The following DNAH7 variants were observed in gnomAD, a reference collection of about 807,000 sequenced individuals.
The protein encoded by DNAH7 is axonemal beta dynein heavy chain 7.
DNAH7 carries 397 observed loss-of-function variants against 444.6 expected under a neutral mutation model. The ratio of observed to expected loss-of-function variants is 0.89; its 90% CI spans 0.82 to 0.97. The LOEUF (loss-of-function observed/expected upper bound fraction) is 0.97. Ranked by LOEUF, DNAH7 falls within the 50% of genes least tolerant of loss-of-function variation. The pLI is 0.00. For synonymous variants in DNAH7, 1,636 were observed against 1,624.4 expected (o/e 1.01, Z -0.17); for missense variants, 4,902 against 4,800.8 (o/e 1.02, Z -0.62).
intron 44 of DNAH7, among the ~76,000 whole-genome samples, chr2:195,856,529 T>C (rs1699719388): frequency 6.6e-6 from 1 of 152,190 alleles, no homozygotes; most frequent in African/African-American, 2.4e-5. Context: ...TTAACTAATA[T>C]CATGGTCTGA....
chr2:196,033,586 G>A (rs1696197007), intron 5 of DNAH7, among the ~76,000 whole-genome samples: 1 of 152,104 alleles, frequency 6.6e-6, no homozygotes, highest in African/African-American at 2.4e-5. Flanking sequence ...ACTTAGCATA[G>A]TGTTCTTCGA....
At chr2:195,799,212 T>C in intron 55 of DNAH7, 84 bp downstream of exon 55, 1 of 1,207,332 alleles carries the variant, frequency 8.3e-7, no homozygotes, top group Non-Finnish European at 1.1e-6. Flanking sequence ...AATTTCTACC[T>C]TTCCCTCATC....
chr2:196,047,843 G>A (rs1393790332), intron 4 of DNAH7, among the ~76,000 whole-genome samples: 1 of 151,490 alleles, frequency 6.6e-6, no homozygotes, highest in African/African-American at 2.4e-5. Flanking sequence ...AAAGAACCAT[G>A]ACAAAAAGTT....
chr2:195,929,621 G>A (rs1688557529), intron 21 of DNAH7, among the ~76,000 whole-genome samples: 1 of 152,222 alleles, frequency 6.6e-6, no homozygotes, highest in African/African-American at 2.4e-5. Flanking sequence ...AAGCAATGGA[G>A]AAAGGACTCC....
rs529672329 is a variant in DNAH7 at position 196,068,472 on chromosome 2, T to C, written c.15+225A>G. The C allele has an allele frequency of 9.6e-5, 56 of 585,024 alleles. No individual in the cohort carries two copies. The African/African-American group carries it at 1.1e-3, about 11-fold the overall frequency. 36.2% of individuals were successfully genotyped at this position (585,024 alleles called of 1,614,324 possible). On this transcript the variant is annotated intron_variant, in intron 1 of 64. Transcript: ENST00000312428. ...CCCTGCTGGCGCGCCGCTAGGCGGC[T>C]AGGTTTGGTTGTTATGACGACCAAG...
At chr2:195,952,642 T>C (rs780458995) in intron 19 of DNAH7, among the ~76,000 whole-genome samples, 11 of 152,188 alleles carry the variant, frequency 7.2e-5, no homozygotes, top group Non-Finnish European at 1.6e-4. Flanking sequence ...TCATTCTTTT[T>C]CTCTCTCATC....
chr2:195,832,404 C>T (rs1698119074), intron 48 of DNAH7, among the ~76,000 whole-genome samples: 1 of 151,030 alleles, frequency 6.6e-6, no homozygotes, highest in East Asian at 1.9e-4. Flanking sequence ...ATTTTAATTA[C>T]TTAATGTTTT....
chr2:195,740,758 TTAC>T lies in DNAH7; in HGVS notation c.11868+5_11868+7del, dbSNP rs765367118. The T allele has an allele frequency of 2.2e-6, 3 of 1,389,238 alleles. No individual in the cohort carries two copies. Among genetic ancestry groups the T allele is most frequent in the African/African-American group, 1.5e-5 (1 of 67,816 alleles). 86.1% of individuals were successfully genotyped at this position (1,389,238 alleles called of 1,614,324 possible). On this transcript the variant is annotated splice_donor_5th_base_variant and intron_variant, in intron 64 of 64. Transcript: ENST00000312428. Reference sequence around the variant, plus strand: ...TTCCACATGTATATATAATTAGAATTTACTAACCACAGGCACTGTATCATAAAG... The same window carrying T: ...TTCCACATGTATATATAATTAGAATTTAACCACAGGCACTGTATCATAAAG...
intron 64 of DNAH7, among the ~76,000 whole-genome samples, chr2:195,739,490 A>C (rs1306477788): frequency 3.3e-5 from 5 of 152,254 alleles, no homozygotes; most frequent in African/African-American, 4.8e-5. Context: ...TGATGCAGTT[A>C]TAGATTGAAT....
At chr2:195,914,407 A>ACAG (rs1687544226) in intron 24 of DNAH7, among the ~76,000 whole-genome samples, 1 of 152,058 alleles carries the variant, frequency 6.6e-6, no homozygotes, top group Non-Finnish European at 1.5e-5. Context: ...ACTGGGTACA[A>ACAG]GGTACAGCTG....
At chr2:195,799,006 C>T (rs1696316365) in intron 55 of DNAH7, among the ~76,000 whole-genome samples, 1 of 152,160 alleles carries the variant, frequency 6.6e-6, no homozygotes, top group African/African-American at 2.4e-5. Flanking sequence ...CAAGTTCATA[C>T]ACTGGTGCAA....
At chr2:195,814,602 T>C (rs539210512) in intron 51 of DNAH7, among the ~76,000 whole-genome samples, 1 of 152,342 alleles carries the variant, frequency 6.6e-6, no homozygotes, top group South Asian at 2.1e-4. Flanking sequence ...AATACCTTGA[T>C]TTTAAGCTAA....
At chr2:195,745,263 A>G (rs1005584764) in intron 63 of DNAH7, among the ~76,000 whole-genome samples, 5 of 152,230 alleles carry the variant, frequency 3.3e-5, no homozygotes, top group African/African-American at 1.2e-4. Flanking sequence ...CAGTGATGGA[A>G]GATGAAATGA....
chr2:195,827,513 C>A (rs1319180773), intron 48 of DNAH7, among the ~76,000 whole-genome samples: 1 of 152,164 alleles, frequency 6.6e-6, no homozygotes, highest in Non-Finnish European at 1.5e-5. Flanking sequence ...AACTCCTGAG[C>A]TCAAGCAATC....
At chr2:196,034,891 A>G (rs2125808538) in intron 5 of DNAH7, among the ~76,000 whole-genome samples, 1 of 152,338 alleles carries the variant, frequency 6.6e-6, no homozygotes, top group South Asian at 2.1e-4. Context: ...ATTATTTTTA[A>G]AAACCTAGGC....
At chr2:196,030,843 C>T (rs1268442160) in intron 5 of DNAH7, among the ~76,000 whole-genome samples, 1 of 152,240 alleles carries the variant, frequency 6.6e-6, no homozygotes, top group Non-Finnish European at 1.5e-5. Flanking sequence ...GGTACAGCCT[C>T]ACTCTTGGCT....
intron 49 of DNAH7, 103 bp from the exon 50 acceptor site, chr2:195,817,932 A>C (rs903004118): frequency 3.5e-5 from 27 of 765,236 alleles, no homozygotes; most frequent in Admixed American, 6.7e-5. Context: ...TATTTACTAT[A>C]TATGGTAGTA....
chr2:195,927,492 G>A (rs557858203), intron 21 of DNAH7, among the ~76,000 whole-genome samples: 109 of 151,364 alleles, frequency 7.2e-4, no homozygotes, highest in African/African-American at 2.2e-3. Context: ...GACAGCTGAG[G>A]GATGAGAGAA....
intron 47 of DNAH7, among the ~76,000 whole-genome samples, chr2:195,839,737 T>G (rs1698569312): frequency 6.6e-6 from 1 of 151,622 alleles, no homozygotes; most frequent in Non-Finnish European, 1.5e-5. Flanking sequence ...TATAAACAAC[T>G]CTCTGGTCAT....
Sources: allele counts gnomAD v4.1 joint callset (sites outside exome capture counted in the v4.1 genomes callset), GRCh38; gene constraint gnomAD v4.1.1; transcripts MANE v1.5; gene names NCBI Gene and HGNC (gene_info 2026-07-23, HGNC 2026-07-21).